The following ADCY2 variants were observed in gnomAD, a reference collection of about 807,000 sequenced individuals.
ADCY2 encodes the protein adenylate cyclase 2.
Under a neutral mutation model 125.2 loss-of-function variants are expected in ADCY2, and 31 were observed. The observed-to-expected ratio is 0.25, with a 90% CI of 0.19 to 0.33. The LOEUF (loss-of-function observed/expected upper bound fraction) is 0.33. Among genes scored for constraint, ADCY2 ranks in the 10% least tolerant of loss-of-function variants. The pLI is 1.00. For missense variants in ADCY2, 904 were observed against 1,418.2 expected (o/e 0.64, Z 5.82); for synonymous variants, 512 against 548.4 (o/e 0.93, Z 0.93).
At chr5:7,810,989 A>G (rs147974120) in intron 22 of ADCY2, among the ~76,000 whole-genome samples, 79 of 152,308 alleles carry the variant, frequency 5.2e-4, no homozygotes, top group African/African-American at 1.9e-3. Context: ...AGGGAAGGAA[A>G]CTTTCATTCA....
chr5:7,518,015 C>A (rs1744311893), intron 2 of ADCY2, among the ~76,000 whole-genome samples: 1 of 152,142 alleles, frequency 6.6e-6, no homozygotes, highest in South Asian at 2.1e-4. Context: ...GTAGAAAAAA[C>A]AGTATCTTAA....
At chr5:7,685,787 A>G (rs1740502947) in intron 4 of ADCY2, among the ~76,000 whole-genome samples, 1 of 152,202 alleles carries the variant, frequency 6.6e-6, no homozygotes, top group African/African-American at 2.4e-5. Flanking sequence ...GGTGCAGCAT[A>G]GGCAACATTT....
Position 7,804,641 on chromosome 5 carries a change from A to T in ADCY2, c.2832A>T (p.Thr944=), listed in dbSNP as rs1744702120. ...AAAAGATTAAGACCATTGGCAGCACATACATGGCAGCAACAGGTCTGAGCG... is the reference window on the plus strand; with the variant it reads ...AAAAGATTAAGACCATTGGCAGCACTTACATGGCAGCAACAGGTCTGAGCG... ...GVEKIKTIGS[T]YMAATGLSAV... Residue 944 remains threonine, a synonymous_variant, in exon 22 of 25, where the codon ACA becomes ACT. Transcript: ENST00000338316. 1 of 1,614,236 alleles carries T rather than the reference A, an allele frequency of 6.2e-7. No homozygotes were observed. The highest frequency in any genetic ancestry group is 1.6e-4 in the Middle Eastern group (1 of 6,062).
chr5:7,696,548 G>A (rs1193312294), intron 6 of ADCY2, among the ~76,000 whole-genome samples: 1 of 152,262 alleles, frequency 6.6e-6, no homozygotes, highest in South Asian at 2.1e-4. Flanking sequence ...TGCAAGCCCT[G>A]TACTTCTCAT....
rs373885950 is a variant in ADCY2, at chr5:7,516,892, A to G, written c.409-3846A>G. Among the ~76,000 whole-genome samples, 23 of 152,158 alleles carry G rather than the reference A, an allele frequency of 1.5e-4. No homozygotes were observed. The East Asian group carries it at 3.3e-3, about 22-fold the overall frequency. On this transcript the variant is annotated intron_variant, in intron 2 of 24. Coordinates refer to ENST00000338316, the MANE Select transcript of ADCY2 (RefSeq NM_020546.3). ...AGAAGCAGACAGACAGAGACAACCC[A>G]CTGGTCTGGAATCCTAAAATGAGAA... is the stretch of plus-strand genomic sequence containing the variant.
intron 3 of ADCY2, among the ~76,000 whole-genome samples, chr5:7,566,590 T>G (rs554935559): frequency 5.9e-5 from 9 of 152,006 alleles, no homozygotes; most frequent in Non-Finnish European, 1.3e-4. Context: ...TCTTACTAAG[T>G]GTGTTTGTAG....
chr5:7,599,790 A>G (rs1218322996), intron 3 of ADCY2, among the ~76,000 whole-genome samples: 10 of 152,220 alleles, frequency 6.6e-5, no homozygotes, highest in Non-Finnish European at 1.5e-4. Context: ...AAAGTGCAGT[A>G]TGGAAAGAGG....
At chr5:7,626,130 C>T in intron 3 of ADCY2, 37 bp from the exon 4 acceptor site, 1 of 1,591,990 alleles carries the variant, frequency 6.3e-7, no homozygotes, top group Non-Finnish European at 8.5e-7. Context: ...AAGTGAGAAA[C>T]AGTTACCCTA....
At chr5:7,589,512 AAAG>A (rs1321707367) in intron 3 of ADCY2, among the ~76,000 whole-genome samples, 1 of 71,276 alleles carries the variant, frequency 1.4e-5, no homozygotes, top group Non-Finnish European at 3.5e-5. Context: ...GAAAGAAAGA[AAAG>A]AAAAGAAAGA....
chr5:7,645,764 TCATTG>T (rs1318797300), intron 4 of ADCY2, among the ~76,000 whole-genome samples: 2 of 152,154 alleles, frequency 1.3e-5, no homozygotes, highest in Non-Finnish European at 2.9e-5. Flanking sequence ...CATGCTAGAC[TCATTG>T]CTGTGCTGCT....
At chr5:7,453,154 T>G (rs1052671640) in intron 2 of ADCY2, among the ~76,000 whole-genome samples, 1 of 152,216 alleles carries the variant, frequency 6.6e-6, no homozygotes, top group East Asian at 1.9e-4. Flanking sequence ...TTTTGGGGTC[T>G]TTGTCATGAA....
intron 2 of ADCY2, among the ~76,000 whole-genome samples, chr5:7,499,945 C>T (rs550900063): frequency 1.3e-5 from 2 of 152,018 alleles, no homozygotes; most frequent in East Asian, 1.9e-4. Flanking sequence ...TAAAAAACTA[C>T]AAAATAAAAC....
chr5:7,746,827 G>A (rs1438665588), intron 15 of ADCY2, among the ~76,000 whole-genome samples: 2 of 152,216 alleles, frequency 1.3e-5, no homozygotes, highest in Admixed American at 6.5e-5. Context: ...AAGCTGAAGA[G>A]AGGTCAGCCT....
intron 4 of ADCY2, among the ~76,000 whole-genome samples, chr5:7,641,975 G>A (rs1350763509): frequency 6.6e-6 from 1 of 152,160 alleles, no homozygotes; most frequent in Non-Finnish European, 1.5e-5. Context: ...GAATAGTGCT[G>A]CAATGAACAT....
chr5:7,673,286 A>AT (rs58505229), intron 4 of ADCY2, among the ~76,000 whole-genome samples: 6,630 of 53,520 alleles, frequency 0.12, 1,460 homozygotes, highest in East Asian at 0.24. Flanking sequence ...ATATATATAT[A>AT]AAATTAGCCA....
In ADCY2 at chr5:7,698,275, T is replaced by A; in HGVS notation, c.1010T>A (p.Leu337Ter). ...AATGAATGCATGAGAATTAAAATTT[T>A]AGGAGACTGCTACTACTGTGTATCT... is the stretch of plus-strand genomic sequence containing the variant. ...KENECMRIKI[L>*]GDCYYCVSGL... Residue 337 changes from leucine (L) to a stop codon, truncating the protein, a stop_gained, in exon 7 of 25, where the codon TTA becomes TAA. Transcript: ENST00000338316. LOFTEE classifies it high-confidence loss of function. 6.2e-7 allele frequency: 1 copy of A among 1,614,116 alleles called. No homozygotes were observed. The highest frequency in any genetic ancestry group is 1.1e-5 in the South Asian group (1 of 91,084).
In ADCY2 at chr5:7,518,573, A is replaced by G. The variant is rs1265101299; in HGVS notation, c.409-2165A>G. ...ATATTTACCAGAAAAAAATATTGCT[A>G]TGGCAATGTGTTCCCCCACAGTTTT... is the stretch of plus-strand genomic sequence containing the variant. On this transcript the variant is annotated intron_variant, in intron 2 of 24. Transcript: ENST00000338316. 3.9e-5 allele frequency among the ~76,000 whole-genome samples: 6 copies of G among 152,214 alleles called. No homozygotes were observed. The East Asian group carries it at 1.2e-3, about 29-fold the overall frequency.
chr5:7,537,219 T>C (rs1734844494), intron 3 of ADCY2, among the ~76,000 whole-genome samples: 2 of 152,250 alleles, frequency 1.3e-5, no homozygotes, highest in South Asian at 4.1e-4. Context: ...ATCTGCAAAG[T>C]AAAAACATTT....
At chr5:7,417,419 T>C (rs1041466914) in intron 2 of ADCY2, among the ~76,000 whole-genome samples, 2 of 152,212 alleles carry the variant, frequency 1.3e-5, no homozygotes, top group African/African-American at 4.8e-5. Flanking sequence ...TTTCTCCCTT[T>C]CATATCCTTA....
Sources: gnomAD v4.1 joint callset for allele counts (sites outside exome capture counted in the v4.1 genomes callset) on GRCh38, gnomAD v4.1.1 for gene constraint, MANE v1.5 for transcripts, NCBI Gene and HGNC (gene_info 2026-07-23, HGNC 2026-07-21) for gene names.